FMNL2: variants seen among roughly 807,000 people sequenced by gnomAD.
FMNL2 encodes formin-like protein 2.
FMNL2 carries 51 observed loss-of-function variants against 130.2 expected under a neutral mutation model. The observed-to-expected ratio is 0.39, with a 90% CI of 0.31 to 0.49. FMNL2 has a LOEUF of 0.49. FMNL2 is among the 20% of genes least tolerant of loss of function. The pLI, the probability that FMNL2 is intolerant of heterozygous loss-of-function variation, is 0.85. For missense variants in FMNL2, 977 were observed against 1,316.2 expected (o/e 0.74, Z 3.99); for synonymous variants, 465 against 467.1 (o/e 1.00, Z 0.06).
At chr2:152,586,779 G>A (rs2105751362) in intron 9 of FMNL2, among the ~76,000 whole-genome samples, 1 of 152,308 alleles carries the variant, frequency 6.6e-6, no homozygotes, top group African/African-American at 2.4e-5. Context: ...TTAATGTGGT[G>A]TTAGTGCTGC....
chr2:152,467,115 C>T (rs1689592410), intron 1 of FMNL2, among the ~76,000 whole-genome samples: 2 of 152,190 alleles, frequency 1.3e-5, no homozygotes, highest in East Asian at 1.9e-4. Flanking sequence ...CTTACCTTAA[C>T]TCTTGAGTAA....
At chr2:152,581,806 G>T (rs192342721) in intron 9 of FMNL2, among the ~76,000 whole-genome samples, 1 of 152,322 alleles carries the variant, frequency 6.6e-6, no homozygotes, top group Non-Finnish European at 1.5e-5. Flanking sequence ...TAGAGAACAG[G>T]TGGAAGCCCA....
intron 1 of FMNL2, among the ~76,000 whole-genome samples, chr2:152,506,484 C>T (rs1452127113): frequency 1.3e-5 from 2 of 152,038 alleles, no homozygotes; most frequent in Admixed American, 6.6e-5. Flanking sequence ...TATTGTTTAG[C>T]GAATAGTGGC....
chr2:152,601,871 T>C lies in FMNL2; in HGVS notation c.877-5468T>C, dbSNP rs190046064. Reference sequence around the variant, plus strand: ...TTCTAGTAGAAACGGGGTTTCACCCTGTTGGCCAGGCTGGTCTCAAACTCC... The same window carrying C: ...TTCTAGTAGAAACGGGGTTTCACCCCGTTGGCCAGGCTGGTCTCAAACTCC... On this transcript the variant is annotated intron_variant, in intron 9 of 25. Transcript: ENST00000288670. 4.1e-3 allele frequency among the ~76,000 whole-genome samples: 620 copies of C among 150,122 alleles called. 6 individuals are homozygous for C. Among genetic ancestry groups the C allele is most frequent in the African/African-American group, 0.015 (599 of 40,790 alleles).
chr2:152,439,867 A>G (rs1210994517), intron 1 of FMNL2, among the ~76,000 whole-genome samples: 1 of 150,500 alleles, frequency 6.6e-6, no homozygotes, highest in African/African-American at 2.5e-5. Context: ...TCTGTAAATT[A>G]TAGCCATATA....
Position 152,587,856 on chromosome 2 carries a change from T to C in FMNL2, c.876+6807T>C, listed in dbSNP as rs73969199. ...TATGCCCTGCCTTTAAAAGAGAGCC[T>C]CCCAGGCTAGTTGAGGAAGCAGATA... On this transcript the variant is annotated intron_variant, in intron 9 of 25. Coordinates refer to ENST00000288670, the MANE Select transcript of FMNL2 (RefSeq NM_052905.4). Among the ~76,000 whole-genome samples the C allele has an allele frequency of 3.4e-3, 511 of 152,314 alleles. 5 individuals are homozygous for C. Among genetic ancestry groups the C allele is most frequent in the African/African-American group, 0.012 (489 of 41,582 alleles).
At chr2:152,443,221 C>T (rs564200392) in intron 1 of FMNL2, among the ~76,000 whole-genome samples, 1 of 152,202 alleles carries the variant, frequency 6.6e-6, no homozygotes, top group East Asian at 1.9e-4. Flanking sequence ...ACTCAATGAG[C>T]AGATTTTCTG....
chr2:152,505,173 A>T (rs1692091025), intron 1 of FMNL2, among the ~76,000 whole-genome samples: 1 of 152,090 alleles, frequency 6.6e-6, no homozygotes, highest in Non-Finnish European at 1.5e-5. Flanking sequence ...ACCCTGAAGC[A>T]TGAGAGATTT....
At chr2:152,608,360 GAAAAAAA>G (rs869134530) in intron 10 of FMNL2, among the ~76,000 whole-genome samples, 1 of 16,548 alleles carries the variant, frequency 6.0e-5, no homozygotes, top group African/African-American at 1.7e-4. Flanking sequence ...CCCTTTTTGT[GAAAAAAA>G]AAAAGAAAAA....
intron 1 of FMNL2, among the ~76,000 whole-genome samples, chr2:152,370,425 C>G (rs1228139200): frequency 6.6e-6 from 1 of 152,192 alleles, no homozygotes; most frequent in Non-Finnish European, 1.5e-5. Context: ...GCTAGGATTT[C>G]AACACATGAA....
chr2:152,432,881 A>C (rs1687572262), intron 1 of FMNL2, among the ~76,000 whole-genome samples: 1 of 152,210 alleles, frequency 6.6e-6, no homozygotes, highest in Non-Finnish European at 1.5e-5. Context: ...AGGATAATAC[A>C]GGAGAAGCTC....
rs553817826 is a variant in FMNL2, at chr2:152,449,219, G to T, written c.118-72724G>T. On this transcript the variant is annotated intron_variant, in intron 1 of 25. Coordinates refer to ENST00000288670, the MANE Select transcript of FMNL2 (RefSeq NM_052905.4). ...TCTCTCTCTTTAGTTTCTCTTTCCG[G>T]AACTATGGGATTTTTGTTGCATGAT... Among the ~76,000 whole-genome samples the T allele has an allele frequency of 2.6e-5, 4 of 152,146 alleles. No individual in the cohort carries two copies. In the South Asian group the frequency reaches 8.3e-4, roughly 32 times the overall value.
intron 11 of FMNL2, among the ~76,000 whole-genome samples, chr2:152,611,994 G>A (rs958451463): frequency 2.0e-5 from 3 of 152,160 alleles, no homozygotes; most frequent in Admixed American, 6.5e-5. Context: ...AGCCAAGACT[G>A]TAGAGTGATG....
chr2:152,633,088 T>C (rs894885159), intron 21 of FMNL2, among the ~76,000 whole-genome samples: 1 of 151,594 alleles, frequency 6.6e-6, no homozygotes, highest in African/African-American at 2.4e-5. Flanking sequence ...TCCATTGCAA[T>C]CTGTGCTCTT....
At chr2:152,376,543 C>G (rs571802960) in intron 1 of FMNL2, among the ~76,000 whole-genome samples, 15 of 152,252 alleles carry the variant, frequency 9.9e-5, no homozygotes, top group East Asian at 1.9e-4. Flanking sequence ...CCAGGGATGT[C>G]TCAGGAATGT....
intron 1 of FMNL2, among the ~76,000 whole-genome samples, chr2:152,364,287 T>TTCCAGATG (rs1683380508): frequency 7.6e-6 from 1 of 132,034 alleles, no homozygotes; most frequent in Non-Finnish European, 1.7e-5. Context: ...TTTTTTTTTT[T>TTCCAGATG]TTTTTACCAG....
At chr2:152,606,745 A>G (rs946327438) in intron 9 of FMNL2, among the ~76,000 whole-genome samples, 7 of 150,174 alleles carry the variant, frequency 4.7e-5, no homozygotes, top group African/African-American at 1.7e-4. Flanking sequence ...CAATGAAAAC[A>G]TTAATTAGCT....
intron 1 of FMNL2, among the ~76,000 whole-genome samples, chr2:152,437,230 G>A (rs1406351445): frequency 6.6e-6 from 1 of 152,130 alleles, no homozygotes; most frequent in Non-Finnish European, 1.5e-5. Flanking sequence ...TGTGGGGTGG[G>A]GAAGAGGGAC....
chr2:152,623,156 C>T (rs992807380), intron 15 of FMNL2, among the ~76,000 whole-genome samples: 6 of 152,168 alleles, frequency 3.9e-5, no homozygotes, highest in Non-Finnish European at 7.4e-5. Context: ...AAACTTCTAG[C>T]GAGCGTCATG....
Sources: allele counts gnomAD v4.1 joint callset (sites outside exome capture counted in the v4.1 genomes callset), GRCh38; gene constraint gnomAD v4.1.1; transcripts MANE v1.5; gene names NCBI Gene and HGNC (gene_info 2026-07-23, HGNC 2026-07-21).